The following UBE2E2 variants were observed in gnomAD, a reference collection of about 807,000 sequenced individuals.
The protein encoded by UBE2E2 is ubiquitin-conjugating enzyme E2 E2.
A neutral mutation model predicts 24.7 loss-of-function variants in UBE2E2; 6 were observed. The observed-to-expected ratio is 0.24, with a 90% CI of 0.13 to 0.48. UBE2E2 has a LOEUF of 0.48. Ranked by LOEUF, UBE2E2 falls within the 20% of genes least tolerant of loss-of-function variation. The pLI is 0.99. For synonymous variants in UBE2E2, 104 were observed against 83.6 expected (o/e 1.24, Z -1.33); for missense variants, 169 against 245.0 (o/e 0.69, Z 2.07).
At chr3:23,255,068 G>T (rs1237315373) in intron 3 of UBE2E2, among the ~76,000 whole-genome samples, 1 of 146,012 alleles carries the variant, frequency 6.8e-6, no homozygotes, top group East Asian at 2.0e-4. Context: ...ATCAGTTTAA[G>T]GAGTAACTTC....
At position 23,589,444 on chromosome 3, in the gene UBE2E2, A is replaced by G. The variant is rs996032803; in HGVS notation, c.509-290A>G. 1.3e-5 allele frequency among the ~76,000 whole-genome samples: 2 copies of G among 151,238 alleles called. No homozygotes were observed. Among genetic ancestry groups the G allele is most frequent in the African/African-American group, 2.4e-5 (1 of 41,050 alleles). ...TCTCAAAAGAAAAAAAAAAAAACCAATACGAGGGGAGCAAGGTGAGAAGTA... is the reference window on the plus strand; with the variant it reads ...TCTCAAAAGAAAAAAAAAAAAACCAGTACGAGGGGAGCAAGGTGAGAAGTA... On this transcript the variant is annotated intron_variant, in intron 5 of 5. Transcript: ENST00000396703. The surrounding 1 kb of genome is among the most constrained non-coding windows in gnomAD (Gnocchi z 4.1).
chr3:23,247,907 C>T (rs2125343107), intron 3 of UBE2E2, among the ~76,000 whole-genome samples: 1 of 152,300 alleles, frequency 6.6e-6, no homozygotes, highest in South Asian at 2.1e-4. Context: ...CAGATAGCAA[C>T]TCTAAAGACT....
chr3:23,347,326 GA>G (rs1456633141), intron 3 of UBE2E2, among the ~76,000 whole-genome samples: 1 of 152,154 alleles, frequency 6.6e-6, no homozygotes, highest in Admixed American at 6.5e-5. Flanking sequence ...ATAATAGACT[GA>G]ATTAAGAAAA....
rs138109830 is a variant in UBE2E2, at chr3:23,223,629, C to G, written c.227+6317C>G. On this transcript the variant is annotated intron_variant, in intron 3 of 5. Transcript: ENST00000396703. ...TATTTTCTCCCATTCTGTGTGTTGT[C>G]TCTTCACTTTGTTGATTGTTTCCTT... Among the ~76,000 whole-genome samples, 645 of 152,224 alleles carry G rather than the reference C, an allele frequency of 4.2e-3. 5 individuals carry two copies. The highest frequency in any genetic ancestry group is 0.014 in the African/African-American group (596 of 41,502).
intron 3 of UBE2E2, among the ~76,000 whole-genome samples, chr3:23,398,475 C>T (rs2125368369): frequency 6.6e-6 from 1 of 152,094 alleles, no homozygotes; most frequent in East Asian, 1.9e-4. Context: ...CCTAAGAATT[C>T]TGATTTTAAG....
At chr3:23,291,918 G>A (rs1698777757) in intron 3 of UBE2E2, among the ~76,000 whole-genome samples, 1 of 142,664 alleles carries the variant, frequency 7.0e-6, no homozygotes, top group Non-Finnish European at 1.5e-5. Flanking sequence ...GAGTGCAGTG[G>A]CACGATCTCG....
At chr3:23,446,705 T>G (rs1027532639) in intron 3 of UBE2E2, among the ~76,000 whole-genome samples, 1 of 141,296 alleles carries the variant, frequency 7.1e-6, no homozygotes, top group East Asian at 2.2e-4. Flanking sequence ...TTTGGTTTTT[T>G]TTTTTTTTTT....
rs10510537 is a variant in UBE2E2, at chr3:23,280,429, C to A, written c.227+63117C>A. On this transcript the variant is annotated intron_variant, in intron 3 of 5. Transcript: ENST00000396703. This position sits in a 1 kb window ranked among gnomAD's most constrained non-coding sequence, Gnocchi z 4.3. Reference sequence around the variant, plus strand: ...CAGGATCACACTGGTGCCACTTTAACTGGAAAGTTTTGAGGGATTGTGAAT... The same window carrying A: ...CAGGATCACACTGGTGCCACTTTAAATGGAAAGTTTTGAGGGATTGTGAAT... Among the ~76,000 whole-genome samples the A allele has an allele frequency of 0.029, 4,376 of 152,278 alleles. 108 individuals carry two copies. The highest frequency in any genetic ancestry group is 0.13 in the East Asian group (659 of 5,180).
chr3:23,378,775 G>A (rs995367667), intron 3 of UBE2E2, among the ~76,000 whole-genome samples: 1 of 152,120 alleles, frequency 6.6e-6, no homozygotes, highest in Non-Finnish European at 1.5e-5. Flanking sequence ...AAGTACAAAT[G>A]TTACACTCAG....
intron 5 of UBE2E2, among the ~76,000 whole-genome samples, chr3:23,533,937 T>C (rs1695192156): frequency 6.6e-6 from 1 of 152,086 alleles, no homozygotes; most frequent in Admixed American, 6.6e-5. Context: ...AAAAATAAAA[T>C]TGTGCAGGAT....
intron 5 of UBE2E2, among the ~76,000 whole-genome samples, chr3:23,573,739 C>A (rs943635652): frequency 6.6e-5 from 10 of 152,170 alleles, no homozygotes; most frequent in African/African-American, 2.4e-4. Context: ...TCCACACTTG[C>A]AATACCTAAA....
At chr3:23,434,720 G>T (rs571718551) in intron 3 of UBE2E2, among the ~76,000 whole-genome samples, 1 of 152,178 alleles carries the variant, frequency 6.6e-6, no homozygotes, top group African/African-American at 2.4e-5. Flanking sequence ...TGGATTGGGG[G>T]TGTGTTTAAT....
At chr3:23,307,683 TC>T (rs1699273822) in intron 3 of UBE2E2, among the ~76,000 whole-genome samples, 1 of 152,158 alleles carries the variant, frequency 6.6e-6, no homozygotes, top group Non-Finnish European at 1.5e-5. Context: ...TTGATATAGA[TC>T]CCATTAAACA....
intron 5 of UBE2E2, among the ~76,000 whole-genome samples, chr3:23,588,059 T>G (rs1315941715): frequency 6.6e-6 from 1 of 152,242 alleles, no homozygotes; most frequent in Non-Finnish European, 1.5e-5. Context: ...AAGTGGTGTT[T>G]CTATTATACC....
intron 3 of UBE2E2, among the ~76,000 whole-genome samples, chr3:23,253,601 G>A (rs1394846210): frequency 1.3e-5 from 2 of 152,158 alleles, no homozygotes; most frequent in Non-Finnish European, 2.9e-5. Context: ...CTTTAATTCA[G>A]TAATTTCATA....
chr3:23,547,260 G>T (rs1695546653), intron 5 of UBE2E2, among the ~76,000 whole-genome samples: 1 of 152,124 alleles, frequency 6.6e-6, no homozygotes. Flanking sequence ...CTGTTTAGTA[G>T]GTTCTTGGTC....
chr3:23,502,206 G>A (rs1699737752), intron 4 of UBE2E2, among the ~76,000 whole-genome samples: 1 of 147,854 alleles, frequency 6.8e-6, no homozygotes, highest in African/African-American at 2.5e-5. Context: ...TTTTTTCTCT[G>A]CTGCTTGGTA....
At chr3:23,251,406 T>C (rs984723129) in intron 3 of UBE2E2, among the ~76,000 whole-genome samples, 2 of 152,248 alleles carry the variant, frequency 1.3e-5, no homozygotes, top group African/African-American at 4.8e-5. Flanking sequence ...GTAGTCTCTT[T>C]GGTGATAGTT....
At chr3:23,343,726 G>C (rs901631127) in intron 3 of UBE2E2, among the ~76,000 whole-genome samples, 1 of 152,048 alleles carries the variant, frequency 6.6e-6, no homozygotes. Context: ...AGGAGACCTC[G>C]TGCCTCCTTC....
Sources: allele counts gnomAD v4.1 joint callset (sites outside exome capture counted in the v4.1 genomes callset), GRCh38; gene constraint gnomAD v4.1.1; non-coding constraint Gnocchi (gnomAD v3.1); transcripts MANE v1.5; gene names NCBI Gene and HGNC (gene_info 2026-07-23, HGNC 2026-07-21).